DTNBP1: variants seen among roughly 807,000 people sequenced by gnomAD.
DTNBP1 encodes the protein dystrobrevin binding protein 1.
Under a neutral mutation model 42.8 loss-of-function variants are expected in DTNBP1, and 35 were observed. The observed-to-expected ratio is 0.82, with a 90% CI of 0.63 to 1.09. The LOEUF is 1.09. Among genes scored for constraint, DTNBP1 ranks in the 50% least tolerant of loss-of-function variants. The probability of loss-of-function intolerance (pLI) is 0.00; values close to 1 mark genes in which losing one functional copy is unlikely to be tolerated. For synonymous variants in DTNBP1, 171 were observed against 162.2 expected (o/e 1.05, Z -0.41); for missense variants, 457 against 424.2 (o/e 1.08, Z -0.68).
At chr6:15,626,812 T>A (rs1409067678) in intron 5 of DTNBP1, among the ~76,000 whole-genome samples, 1 of 151,926 alleles carries the variant, frequency 6.6e-6, no homozygotes, top group African/African-American at 2.4e-5. Flanking sequence ...TTCAAACTCC[T>A]GGGCTCAAGC....
chr6:15,646,361 G>T (rs191134268), intron 3 of DTNBP1, among the ~76,000 whole-genome samples: 4 of 151,540 alleles, frequency 2.6e-5, no homozygotes, highest in Non-Finnish European at 4.4e-5. Flanking sequence ...ACTGATGAAA[G>T]AAATCATAGA....
intron 4 of DTNBP1, among the ~76,000 whole-genome samples, chr6:15,630,864 G>T (rs964380090): frequency 6.6e-6 from 1 of 152,196 alleles, no homozygotes; most frequent in African/African-American, 2.4e-5. Context: ...GTTGCAGAGA[G>T]CCAAGATCGC....
intron 1 of DTNBP1, 70 bp downstream of exon 1, chr6:15,662,744 C>T: frequency 1.3e-6 from 2 of 1,593,462 alleles, no homozygotes; most frequent in Non-Finnish European, 1.7e-6. Flanking sequence ...GGGAAGGGAG[C>T]GAGGCAGGGG....
intron 6 of DTNBP1, among the ~76,000 whole-genome samples, chr6:15,611,831 TGAG>T (rs938825702): frequency 1.3e-5 from 2 of 152,196 alleles, no homozygotes; most frequent in African/African-American, 4.8e-5. Context: ...CTTAAACAGA[TGAG>T]GAGTTACTTC....
chr6:15,579,691 G>A, intron 7 of DTNBP1: 1 of 267,760 alleles, frequency 3.7e-6, no homozygotes. Context: ...TGTAATCCCA[G>A]CTATTTGGGA....
chr6:15,569,453 TC>T (rs1450425842), intron 7 of DTNBP1, among the ~76,000 whole-genome samples: 1 of 143,180 alleles, frequency 7.0e-6, no homozygotes, highest in Non-Finnish European at 1.5e-5. Context: ...CAATCAATGA[TC>T]CCCAGACATC....
intron 4 of DTNBP1, among the ~76,000 whole-genome samples, chr6:15,629,186 C>G (rs1351073373): frequency 6.6e-6 from 1 of 152,070 alleles, no homozygotes; most frequent in African/African-American, 2.4e-5. Context: ...CACAAACTTC[C>G]ACTGACCACC....
intron 7 of DTNBP1, among the ~76,000 whole-genome samples, chr6:15,537,240 G>GAAACCCCAT (rs200565844): frequency 1.3e-5 from 2 of 151,636 alleles, no homozygotes; most frequent in African/African-American, 2.4e-5. Flanking sequence ...CTAACATGGT[G>GAAACCCCAT]GTCATGTATT....
rs1471375856 is a variant in DTNBP1 at position 15,576,353 on chromosome 6, G to T, written c.511+16706C>A. 2.6e-5 allele frequency among the ~76,000 whole-genome samples: 4 copies of T among 152,096 alleles called. No homozygotes were observed. The East Asian group carries it at 5.8e-4, about 22-fold the overall frequency. Reference sequence around the variant, plus strand: ...GGCCAGGCTGGTCTCAAACTCCTGAGCTCAGGTGATCCGCCCGCTGTGGCC... The same window carrying T: ...GGCCAGGCTGGTCTCAAACTCCTGATCTCAGGTGATCCGCCCGCTGTGGCC... On this transcript the variant is annotated intron_variant, in intron 7 of 9. Transcript: ENST00000344537.
At chr6:15,529,919 G>C (rs1049450837) in intron 8 of DTNBP1, among the ~76,000 whole-genome samples, 1 of 152,242 alleles carries the variant, frequency 6.6e-6, no homozygotes, top group Non-Finnish European at 1.5e-5. Flanking sequence ...CTGCTGCTCA[G>C]CCCTCCCGGC....
At chr6:15,658,022 T>C (rs1002381509) in intron 1 of DTNBP1, among the ~76,000 whole-genome samples, 1 of 152,218 alleles carries the variant, frequency 6.6e-6, no homozygotes, top group African/African-American at 2.4e-5. Context: ...ATCTTTAACA[T>C]TCTGTTCATT....
intron 7 of DTNBP1, among the ~76,000 whole-genome samples, chr6:15,534,125 G>C (rs1773063046): frequency 6.6e-6 from 1 of 152,198 alleles, no homozygotes; most frequent in African/African-American, 2.4e-5. Flanking sequence ...GAGGTACCTA[G>C]AGCAGTCAGA....
At chr6:15,660,614 C>T in intron 1 of DTNBP1, 1 of 1,218,244 alleles carries the variant, frequency 8.2e-7, no homozygotes, top group South Asian at 1.3e-5. Flanking sequence ...TTTAAGAAGT[C>T]AAGTCAGTTT....
intron 6 of DTNBP1, among the ~76,000 whole-genome samples, chr6:15,599,140 C>A (rs543788320): frequency 2.4e-4 from 37 of 152,230 alleles, no homozygotes; most frequent in Middle Eastern, 3.4e-3. Context: ...TTTCCCTAAA[C>A]CTATTTTACA....
At chr6:15,523,953 T>G in intron 9 of DTNBP1, 5 of 1,287,470 alleles carry the variant, frequency 3.9e-6, no homozygotes, top group Non-Finnish European at 5.1e-6. Flanking sequence ...CCCAAAGAAC[T>G]GGTCTGAAAT....
chr6:15,609,653 C>T (rs1156594878), intron 6 of DTNBP1, among the ~76,000 whole-genome samples: 1 of 152,180 alleles, frequency 6.6e-6, no homozygotes, highest in African/African-American at 2.4e-5. Flanking sequence ...CTCAGTCTCT[C>T]GTTCTTCTGC....
intron 2 of DTNBP1, 48 bp downstream of exon 2, chr6:15,652,039 G>A (rs759016649): frequency 3.9e-6 from 6 of 1,536,728 alleles, no homozygotes; most frequent in East Asian, 4.5e-5. Context: ...ACCAAAAGTT[G>A]TATGAAATTT....
At chr6:15,636,025 T>C (rs144355169) in intron 4 of DTNBP1, among the ~76,000 whole-genome samples, 284 of 152,292 alleles carry the variant, frequency 1.9e-3, no homozygotes, top group Admixed American at 2.7e-3. Context: ...ACTTGTGTGA[T>C]TGCTAACATT....
At chr6:15,524,700 G>T in intron 8 of DTNBP1, 31 bp from the exon 9 acceptor site, 1 of 1,608,420 alleles carries the variant, frequency 6.2e-7, no homozygotes. Context: ...GAAAGGACAC[G>T]CTGTCTTTAA....
Sources: gnomAD v4.1 joint callset for allele counts (sites outside exome capture counted in the v4.1 genomes callset) on GRCh38, gnomAD v4.1.1 for gene constraint, MANE v1.5 for transcripts, NCBI Gene and HGNC (gene_info 2026-07-23, HGNC 2026-07-21) for gene names.